Variants in CHCHD6 observed in about 807,000 individuals in gnomAD.
The protein encoded by CHCHD6 is MICOS complex subunit MIC25.
Under a neutral mutation model 32.3 loss-of-function variants are expected in CHCHD6, and 28 were observed. That is an observed-to-expected ratio of 0.87 (90% CI 0.64 to 1.19). CHCHD6 has a LOEUF of 1.19. Ranked by LOEUF, CHCHD6 falls within the 50% of genes most tolerant of loss-of-function variation. CHCHD6 has a pLI of 0.00. For missense variants in CHCHD6, 333 were observed against 307.0 expected (o/e 1.08, Z -0.63); for synonymous variants, 122 against 117.5 (o/e 1.04, Z -0.25).
chr3:126,743,908 G>A (rs1936388028), intron 4 of CHCHD6, among the ~76,000 whole-genome samples: 1 of 152,110 alleles, frequency 6.6e-6, no homozygotes, highest in African/African-American at 2.4e-5. Context: ...TGATTGGATC[G>A]GTGCCATCCC....
At chr3:126,857,796 G>A (rs202159726) in intron 5 of CHCHD6, among the ~76,000 whole-genome samples, 2 of 152,366 alleles carry the variant, frequency 1.3e-5, no homozygotes, top group East Asian at 3.9e-4. Context: ...GAAAAGACAG[G>A]CAGCTCCAAG....
At chr3:126,927,109 TA>T (rs2078335447) in intron 6 of CHCHD6, among the ~76,000 whole-genome samples, 1 of 152,114 alleles carries the variant, frequency 6.6e-6, no homozygotes, top group Non-Finnish European at 1.5e-5. Context: ...GCTGGGCAAA[TA>T]CCTGACTACT....
chr3:126,837,000 T>A (rs1464651685), intron 4 of CHCHD6, among the ~76,000 whole-genome samples: 2 of 152,186 alleles, frequency 1.3e-5, no homozygotes, highest in Non-Finnish European at 2.9e-5. Context: ...AATCTGGGGT[T>A]CCTCCCAGCC....
chr3:126,704,462 G>C, intron 1 of CHCHD6, 63 bp downstream of exon 1: 1 of 1,088,036 alleles, frequency 9.2e-7, no homozygotes, highest in Non-Finnish European at 1.2e-6. Flanking sequence ...GGAGGTGCGG[G>C]GCGGAGCGCA....
intron 6 of CHCHD6, among the ~76,000 whole-genome samples, chr3:126,928,026 G>A (rs1363356781): frequency 1.3e-5 from 2 of 152,224 alleles, no homozygotes; most frequent in Non-Finnish European, 2.9e-5. Flanking sequence ...CTGCCCTGGG[G>A]GCAGGGGTAG....
intron 5 of CHCHD6, among the ~76,000 whole-genome samples, chr3:126,853,509 A>G (rs1941550092): frequency 6.6e-6 from 1 of 152,158 alleles, no homozygotes. Flanking sequence ...TTTGAAATTG[A>G]CAGTTTGCTT....
chr3:126,755,023 C>T (rs1034597379), intron 4 of CHCHD6, among the ~76,000 whole-genome samples: 6 of 152,090 alleles, frequency 3.9e-5, no homozygotes, highest in Admixed American at 3.3e-4. Context: ...TGGAGAGAAT[C>T]CAAGCTCCTC....
intron 5 of CHCHD6, among the ~76,000 whole-genome samples, chr3:126,878,903 T>C (rs1241368900): frequency 1.3e-5 from 2 of 152,218 alleles, no homozygotes; most frequent in Admixed American, 6.5e-5. Context: ...GAGGAGCAGT[T>C]TGTGTCTGCT....
At chr3:126,919,864 A>G (rs1424236279) in intron 6 of CHCHD6, among the ~76,000 whole-genome samples, 1 of 151,290 alleles carries the variant, frequency 6.6e-6, no homozygotes, top group Non-Finnish European at 1.5e-5. Context: ...ATTAAGCCAT[A>G]CCTAGTTATT....
intron 4 of CHCHD6, among the ~76,000 whole-genome samples, chr3:126,772,253 A>C (rs939308462): frequency 2.0e-5 from 3 of 151,966 alleles, no homozygotes; most frequent in Admixed American, 1.3e-4. Flanking sequence ...AGGTGCCCGC[A>C]ACCACGCCTG....
chr3:126,771,611 C>T (rs144281302), intron 4 of CHCHD6, among the ~76,000 whole-genome samples: 4 of 152,188 alleles, frequency 2.6e-5, no homozygotes, highest in East Asian at 3.9e-4. Context: ...GTTGATATTT[C>T]GTATGGTTTT....
chr3:126,863,936 T>TCTCCACCATCACCACCTCCTC (rs1354998136), intron 5 of CHCHD6, among the ~76,000 whole-genome samples: 4 of 30,534 alleles, frequency 1.3e-4, no homozygotes, highest in Admixed American at 3.2e-4. Flanking sequence ...ACCTCCTCCT[T>TCTCCACCATCACCACCTCCTC]CTCCACCATC....
intron 4 of CHCHD6, among the ~76,000 whole-genome samples, chr3:126,802,494 C>T (rs1215170554): frequency 2.0e-5 from 3 of 151,846 alleles, no homozygotes; most frequent in Non-Finnish European, 2.9e-5. Flanking sequence ...TGAAATGAAG[C>T]GAGAAGGGAA....
In CHCHD6 at chr3:126,882,334, C is replaced by T. The variant is rs368586734; in HGVS notation, c.495+29604C>T. Among the ~76,000 whole-genome samples, 12 of 152,232 alleles carry T rather than the reference C, an allele frequency of 7.9e-5. No homozygotes were observed. The South Asian group carries it at 8.3e-4, about 11-fold the overall frequency. ...CACGCATGGAGATGCCTACCTTGGCCGCTGTGTCAGGATGGAAGAGGAACT... is the reference window on the plus strand; with the variant it reads ...CACGCATGGAGATGCCTACCTTGGCTGCTGTGTCAGGATGGAAGAGGAACT... On this transcript the variant is annotated intron_variant, in intron 5 of 7. Coordinates refer to ENST00000290913, the MANE Select transcript of CHCHD6 (RefSeq NM_032343.3).
At chr3:126,797,240 A>G (rs1398884878) in intron 4 of CHCHD6, among the ~76,000 whole-genome samples, 6 of 152,174 alleles carry the variant, frequency 3.9e-5, no homozygotes, top group Non-Finnish European at 5.9e-5. Context: ...TTTGCTGAGG[A>G]AAACCTTATG....
intron 4 of CHCHD6, among the ~76,000 whole-genome samples, chr3:126,792,152 T>A (rs1394822846): frequency 6.6e-6 from 1 of 151,710 alleles, no homozygotes; most frequent in Non-Finnish European, 1.5e-5. Context: ...ACCTTTTGGC[T>A]ATTGTGAATG....
At chr3:126,773,602 CTTTTTT>C (rs769256372) in intron 4 of CHCHD6, among the ~76,000 whole-genome samples, 11 of 89,948 alleles carry the variant, frequency 1.2e-4, no homozygotes, top group African/African-American at 2.6e-4. Flanking sequence ...TTCTGCTTTT[CTTTTTT>C]TTTTTTTTTT....
At chr3:126,893,819 C>A (rs1053016209) in intron 5 of CHCHD6, among the ~76,000 whole-genome samples, 1 of 152,208 alleles carries the variant, frequency 6.6e-6, no homozygotes, top group Admixed American at 6.5e-5. Context: ...AGAGACCACT[C>A]AAAAACAGGT....
intron 4 of CHCHD6, among the ~76,000 whole-genome samples, chr3:126,849,461 G>T (rs1011847346): frequency 6.6e-6 from 1 of 152,236 alleles, no homozygotes; most frequent in Non-Finnish European, 1.5e-5. Flanking sequence ...AGGCATCAAA[G>T]TGTGAACTCA....
Sources: allele counts gnomAD v4.1 joint callset (sites outside exome capture counted in the v4.1 genomes callset), GRCh38; gene constraint gnomAD v4.1.1; transcripts MANE v1.5; gene names NCBI Gene and HGNC (gene_info 2026-07-23, HGNC 2026-07-21).